The following NEURL1 variants were observed in gnomAD, a reference collection of about 807,000 sequenced individuals.
The protein encoded by NEURL1 is neuralized E3 ubiquitin protein ligase 1.
In NEURL1, 26 loss-of-function variants were observed where a neutral mutation model predicts 41.2. The observed-to-expected ratio is 0.63, with a 90% CI of 0.46 to 0.87. NEURL1 has a LOEUF of 0.87. NEURL1 is among the 40% of genes least tolerant of loss of function. The pLI is 0.00. For synonymous variants in NEURL1, 400 were observed against 402.3 expected (o/e 0.99, Z 0.07); for missense variants, 761 against 871.1 (o/e 0.87, Z 1.59).
intron 3 of NEURL1, chr10:103,577,803 C>G (rs2035696450): frequency 1.3e-5 from 2 of 152,246 alleles, no homozygotes; most frequent in African/African-American, 4.8e-5. Flanking sequence ...GTCTGCCTGC[C>G]TTATAGTTCC....
Position 103,562,133 on chromosome 10 carries a change from C to T in NEURL1, c.86-8739C>T, listed in dbSNP as rs577813564. Reference sequence around the variant, plus strand: ...GGCACCATGGCTTACGCCTGTAATCCCAGCATTTTGGGAGGCCTAGGCGGG... The same window carrying T: ...GGCACCATGGCTTACGCCTGTAATCTCAGCATTTTGGGAGGCCTAGGCGGG... On this transcript the variant is annotated intron_variant, in intron 1 of 5. Transcript: ENST00000369780. Among the ~76,000 whole-genome samples, 44 of 152,310 alleles carry T rather than the reference C, an allele frequency of 2.9e-4. No homozygotes were observed. The South Asian group carries it at 7.5e-3, about 26-fold the overall frequency.
chr10:103,495,121 C>A (rs2033652253), intron 1 of NEURL1, among the ~76,000 whole-genome samples: 1 of 152,208 alleles, frequency 6.6e-6, no homozygotes, highest in Non-Finnish European at 1.5e-5. Flanking sequence ...TGCTCTTCAC[C>A]TCCCCAGATC....
At chr10:103,585,521 A>C (rs1216866589) in intron 4 of NEURL1, among the ~76,000 whole-genome samples, 1 of 152,210 alleles carries the variant, frequency 6.6e-6, no homozygotes, top group African/African-American at 2.4e-5. Flanking sequence ...AGAAGCACAC[A>C]ACCCACTGAC....
At chr10:103,531,407 AT>A (rs1433407946) in intron 1 of NEURL1, among the ~76,000 whole-genome samples, 2 of 151,732 alleles carry the variant, frequency 1.3e-5, no homozygotes, top group African/African-American at 2.4e-5. Context: ...AAACATTTTT[AT>A]TTTTTTTATT....
chr10:103,557,950 G>A (rs1181838895), intron 1 of NEURL1: 1 of 152,290 alleles, frequency 6.6e-6, no homozygotes, highest in Non-Finnish European at 1.5e-5. Flanking sequence ...CATGATCTCA[G>A]CTCACTGCAA....
chr10:103,536,149 G>A (rs1252552585), intron 1 of NEURL1, among the ~76,000 whole-genome samples: 1 of 152,066 alleles, frequency 6.6e-6, no homozygotes, highest in Non-Finnish European at 1.5e-5. Context: ...GGGATGGAAT[G>A]GTAGAGTCCC....
Position 103,590,478 on chromosome 10 carries a change from T to G in NEURL1, c.*106T>G, listed in dbSNP as rs888075948. 2 of 848,678 alleles carry G rather than the reference T, an allele frequency of 2.4e-6. No homozygotes were observed. The highest frequency in any genetic ancestry group is 3.4e-5 in the African/African-American group (2 of 59,382). The allele number at this position is 848,678 out of a possible 1,614,324, so 52.6% of individuals were successfully genotyped here. A position where few individuals can be genotyped will look rare whatever the true frequency, so the allele number is the denominator to read the frequency against. On this transcript the variant is annotated 3_prime_UTR_variant, in exon 6 of 6. Transcript: ENST00000369780. ...CCTTCTCTTCCTCATTTTGGAAACTTTTCCTCCTCTATTAAACATGGGAAA... is the reference window on the plus strand; with the variant it reads ...CCTTCTCTTCCTCATTTTGGAAACTGTTCCTCCTCTATTAAACATGGGAAA...
rs761051411 is a variant in NEURL1, at chr10:103,571,865, C to T, written c.649+43C>T. ...CGGCCCCTTGGTGCAGGGGACACCC[C>T]TCAGCCTCTGGGCACTGCAGCCTGG... On this transcript the variant is annotated intron_variant, in intron 3 of 5. Coordinates refer to ENST00000369780, the MANE Select transcript of NEURL1 (RefSeq NM_004210.5). The T allele has an allele frequency of 9.1e-6, 14 of 1,537,452 alleles. No individual in the cohort carries two copies. In the South Asian group the frequency reaches 1.7e-4, roughly 19 times the overall value.
intron 3 of NEURL1, among the ~76,000 whole-genome samples, chr10:103,582,307 C>G (rs1007603456): frequency 2.0e-5 from 3 of 152,196 alleles, no homozygotes; most frequent in African/African-American, 7.2e-5. Flanking sequence ...CTGGCTTTCC[C>G]CCACTCTGCA....
At chr10:103,579,616 A>T (rs2035743092) in intron 3 of NEURL1, among the ~76,000 whole-genome samples, 1 of 152,190 alleles carries the variant, frequency 6.6e-6, no homozygotes, top group South Asian at 2.1e-4. Context: ...CTAGATACTA[A>T]GACTCTGGTA....
At chr10:103,522,602 CAAAAAAAAAA>C (rs528719693) in intron 1 of NEURL1, among the ~76,000 whole-genome samples, 1 of 106,732 alleles carries the variant, frequency 9.4e-6, no homozygotes, top group African/African-American at 3.5e-5. Context: ...AACTCCATTT[CAAAAAAAAAA>C]AAAAAAAAAA....
chr10:103,519,785 GT>G (rs1188761501), intron 1 of NEURL1, among the ~76,000 whole-genome samples: 3 of 150,024 alleles, frequency 2.0e-5, no homozygotes, highest in Non-Finnish European at 4.4e-5. Flanking sequence ...TGTTGTTGTT[GT>G]TTCTTTTTTT....
At chr10:103,564,005 C>A (rs567001362) in intron 1 of NEURL1, among the ~76,000 whole-genome samples, 1 of 152,124 alleles carries the variant, frequency 6.6e-6, no homozygotes, top group Non-Finnish European at 1.5e-5. Flanking sequence ...GTGGTGAGCT[C>A]CCCCCCATCT....
intron 1 of NEURL1, among the ~76,000 whole-genome samples, chr10:103,502,800 T>C (rs2033853948): frequency 6.6e-6 from 1 of 152,222 alleles, no homozygotes. Context: ...AGCTGGGCAC[T>C]GCCCAGGGTG....
chr10:103,498,030 G>T (rs564465308), intron 1 of NEURL1, among the ~76,000 whole-genome samples: 1 of 152,116 alleles, frequency 6.6e-6, no homozygotes, highest in South Asian at 2.1e-4. Context: ...GCTTGGAGGG[G>T]CTTGAGCGTA....
At chr10:103,521,295 T>C (rs995454265) in intron 1 of NEURL1, among the ~76,000 whole-genome samples, 3 of 152,192 alleles carry the variant, frequency 2.0e-5, no homozygotes, top group African/African-American at 7.2e-5. Context: ...GAATTATGTC[T>C]GACAGAAGGG....
intron 1 of NEURL1, among the ~76,000 whole-genome samples, chr10:103,537,409 A>G (rs1397595321): frequency 6.6e-5 from 10 of 151,944 alleles, no homozygotes; most frequent in African/African-American, 2.2e-4. Context: ...ACTCTTATAT[A>G]TATTTTTTGA....
rs191447643 is a variant in NEURL1 at position 103,551,198 on chromosome 10, T to G, written c.86-19674T>G. On this transcript the variant is annotated intron_variant, in intron 1 of 5. Coordinates refer to ENST00000369780, the MANE Select transcript of NEURL1 (RefSeq NM_004210.5). ...GTCCTGCTCACCAGTTGGTGTATAG[T>G]GGGCACTCAGTGAATGGTTGATGAA... 7.9e-5 allele frequency among the ~76,000 whole-genome samples: 12 copies of G among 152,074 alleles called. No homozygotes were observed. In the South Asian group the frequency reaches 2.5e-3, roughly 32 times the overall value.
intron 1 of NEURL1, among the ~76,000 whole-genome samples, chr10:103,543,150 G>C (rs763595309): frequency 2.0e-5 from 3 of 152,156 alleles, no homozygotes; most frequent in African/African-American, 7.2e-5. Flanking sequence ...AAGGTTTTCC[G>C]CCCCTCCTCC....
Sources: gnomAD v4.1 joint callset for allele counts (sites outside exome capture counted in the v4.1 genomes callset) on GRCh38, gnomAD v4.1.1 for gene constraint, MANE v1.5 for transcripts, NCBI Gene and HGNC (gene_info 2026-07-23, HGNC 2026-07-21) for gene names.